Variants in SLFN11 observed in about 807,000 individuals in gnomAD.
SLFN11 encodes schlafen family member 11.
Under a neutral mutation model 53.4 loss-of-function variants are expected in SLFN11, and 43 were observed. The observed-to-expected ratio is 0.80, with a 90% CI of 0.63 to 1.04. SLFN11 has a LOEUF of 1.04. Among genes scored for constraint, SLFN11 ranks in the 50% least tolerant of loss-of-function variants. The pLI, the probability that SLFN11 is intolerant of heterozygous loss-of-function variation, is 0.00. For synonymous variants in SLFN11, 389 were observed against 394.7 expected (o/e 0.99, Z 0.17); for missense variants, 990 against 1,079.1 (o/e 0.92, Z 1.16).
In SLFN11 at chr17:35,352,953, A is replaced by G. The variant is rs746477267; in HGVS notation, c.2109T>C (p.Asp703=). Residue 703 remains aspartate (D), a synonymous_variant, in exon 7 of 7, where the codon GAT becomes GAC. Coordinates refer to ENST00000685675, the MANE Select transcript of SLFN11 (RefSeq NM_001376007.1). Reference sequence around the variant, plus strand: ...AATCCAAGTGGCTGGTCTGAAAGTAATCCAGAAAGATCCAGAGAATTCCTG... The same window carrying G: ...AATCCAAGTGGCTGGTCTGAAAGTAGTCCAGAAAGATCCAGAGAATTCCTG... ...GGPGILWIFL[D]YFQTSHLDCS... 69 of 1,614,050 alleles carry G rather than the reference A, an allele frequency of 4.3e-5. No homozygotes were observed. The highest frequency in any genetic ancestry group is 5.4e-5 in the Non-Finnish European group (64 of 1,180,040).
chr17:35,371,309 T>C (rs1909625498), intron 1 of SLFN11, among the ~76,000 whole-genome samples: 1 of 151,996 alleles, frequency 6.6e-6, no homozygotes, highest in Non-Finnish European at 1.5e-5. Flanking sequence ...TTGTCACATA[T>C]AAAAATCAAA....
intron 4 of SLFN11, among the ~76,000 whole-genome samples, chr17:35,361,327 A>T (rs751328902): frequency 1.3e-5 from 2 of 152,146 alleles, no homozygotes; most frequent in Non-Finnish European, 2.9e-5. Flanking sequence ...ATAGAGCATA[A>T]TGGGTACATG....
chr17:35,350,526 A>G lies in SLFN11; in HGVS notation c.*1830T>C, dbSNP rs191495365. The G allele has an allele frequency of 5.5e-4, 84 of 152,338 alleles. No individual in the cohort carries two copies. The highest frequency in any genetic ancestry group is 1.1e-3 in the Non-Finnish European group (72 of 68,030). The allele number at this position is 152,338 out of a possible 1,614,324, so 9.4% of individuals were successfully genotyped here. On this transcript the variant is annotated 3_prime_UTR_variant, in exon 7 of 7. Coordinates refer to ENST00000685675, the MANE Select transcript of SLFN11 (RefSeq NM_001376007.1). ...AAGAGATACAACCAGTCGAAATTAGACTTTTAAAGAATTACTCTCAAAGAC... is the reference window on the plus strand; with the variant it reads ...AAGAGATACAACCAGTCGAAATTAGGCTTTTAAAGAATTACTCTCAAAGAC...
intron 6 of SLFN11, 58 bp from the exon 7 acceptor site, chr17:35,353,197 A>C (rs556546979): frequency 1.3e-6 from 2 of 1,592,440 alleles, no homozygotes; most frequent in Admixed American, 1.8e-5. Context: ...GGGAGAAAAT[A>C]ATTGTATCAT....
rs760051273 is a variant in SLFN11, at chr17:35,353,884, G to A, written c.1374C>T (p.Ile458=). The A allele has an allele frequency of 5.3e-5, 85 of 1,613,530 alleles. No homozygotes were observed. Among genetic ancestry groups the A allele is most frequent in the Non-Finnish European group, 6.9e-5 (81 of 1,179,924 alleles). The part of the protein sequence containing the change: ...DLNLQEKPGV[I]CDALLIAQNS... ...TCTGTGCTATCAGCAGAGCATCACAGATGACTCCTGGCTTCTCCTGCAAGT... is the reference window on the plus strand; with the variant it reads ...TCTGTGCTATCAGCAGAGCATCACAAATGACTCCTGGCTTCTCCTGCAAGT... Residue 458 remains isoleucine, a synonymous_variant, in exon 6 of 7, where the codon ATC becomes ATT. Transcript: ENST00000685675.
In SLFN11 at chr17:35,362,749, G is replaced by A. The variant is rs1048152460; in HGVS notation, c.1059C>T (p.Asp353=). 13 of 1,563,252 alleles carry A rather than the reference G, an allele frequency of 8.3e-6. No homozygotes were observed. The highest frequency in any genetic ancestry group is 1.1e-5 in the Non-Finnish European group (13 of 1,154,858). ...TTEKWVGMMT[D]TDPDLLQLSE... ...CTTTCTCCCTCTTACCTGGATCTGT[G>A]TCTGTCATCATGCCTACCCATTTCT... The change falls in exon 4 of 7, where the codon GAC becomes GAT. Residue 353 remains aspartate (D), a synonymous_variant. Coordinates refer to ENST00000685675, the MANE Select transcript of SLFN11 (RefSeq NM_001376007.1).
At chr17:35,360,114 A>G (rs903551860) in intron 5 of SLFN11, 129 bp downstream of exon 5, 3 of 948,884 alleles carry the variant, frequency 3.2e-6, no homozygotes, top group Admixed American at 2.6e-5. Flanking sequence ...ATAGGATTGT[A>G]ACATCATCAC....
At chr17:35,357,139 CGT>C (rs35291259) in intron 5 of SLFN11, among the ~76,000 whole-genome samples, 16,790 of 142,750 alleles carry the variant, frequency 0.12, 1,097 homozygotes, top group Admixed American at 0.21. Flanking sequence ...TTTTTCTGTG[CGT>C]GTGTGTGTGT....
intron 1 of SLFN11, among the ~76,000 whole-genome samples, 191 bp from the exon 2 acceptor site, chr17:35,367,891 C>T (rs1446770377): frequency 2.6e-5 from 4 of 152,036 alleles, no homozygotes; most frequent in Non-Finnish European, 5.9e-5. Flanking sequence ...CTCCCCATGC[C>T]CCAGGATCTA....
intron 1 of SLFN11, among the ~76,000 whole-genome samples, chr17:35,373,036 A>C (rs529634785): frequency 1.3e-5 from 2 of 152,234 alleles, no homozygotes; most frequent in South Asian, 4.1e-4. Context: ...TTGGTCGGTC[A>C]CATAGACAGC....
rs371928243 is a variant in SLFN11 at position 35,370,645 on chromosome 17, A to G, written c.-235+2829T>C. Among the ~76,000 whole-genome samples the G allele has an allele frequency of 3.8e-4, 58 of 152,292 alleles. No homozygotes were observed. In the South Asian group the frequency reaches 0.011, roughly 29 times the overall value. ...CAGTAAAGTTGCAGGATACAAAATAAACATACAAAAATCAGTAGCATCTCT... is the reference window on the plus strand; with the variant it reads ...CAGTAAAGTTGCAGGATACAAAATAGACATACAAAAATCAGTAGCATCTCT... On this transcript the variant is annotated intron_variant, in intron 1 of 6. Coordinates refer to ENST00000685675, the MANE Select transcript of SLFN11 (RefSeq NM_001376007.1).
chr17:35,358,452 T>C (rs931628356), intron 5 of SLFN11, among the ~76,000 whole-genome samples: 1 of 151,786 alleles, frequency 6.6e-6, no homozygotes, highest in Non-Finnish European at 1.5e-5. Context: ...ACATTGTACT[T>C]GTAATATGCA....
intron 5 of SLFN11, among the ~76,000 whole-genome samples, chr17:35,356,691 G>A (rs1254936024): frequency 6.6e-6 from 1 of 151,752 alleles, no homozygotes; most frequent in African/African-American, 2.4e-5. Context: ...TGTTTGACCA[G>A]TCCCTATTGA....
intron 1 of SLFN11, among the ~76,000 whole-genome samples, chr17:35,372,021 C>A (rs1909738849): frequency 6.6e-6 from 1 of 152,120 alleles, no homozygotes. Flanking sequence ...ATCTGCACTC[C>A]TATGTTTCCT....
At position 35,354,078 on chromosome 17, in the gene SLFN11, A is replaced by G. The variant is rs768889205; in HGVS notation, c.1199-19T>C. 1 of 1,555,058 alleles carries G rather than the reference A, an allele frequency of 6.4e-7. No individual in the cohort carries two copies. The highest frequency in any genetic ancestry group is 8.7e-7 in the Non-Finnish European group (1 of 1,150,854). On this transcript the variant is annotated intron_variant, in intron 5 of 6. Transcript: ENST00000685675. ...GGTGGGACTGTATGTGAAAAGAATG[A>G]TAAATTAGAGGAAGAGAAATAACCC...
intron 5 of SLFN11, among the ~76,000 whole-genome samples, chr17:35,357,267 G>C (rs1907631907): frequency 6.6e-6 from 1 of 151,326 alleles, no homozygotes; most frequent in African/African-American, 2.4e-5. Flanking sequence ...TTTTTCTACT[G>C]GTCATGGTCA....
In SLFN11 at chr17:35,352,324, C is replaced by T; in HGVS notation, c.*32G>A. ...CCATCAGCAGACTGTCACCCATAGA[C>T]ATTTACATAGCATTTTGATTTGGAG... On this transcript the variant is annotated 3_prime_UTR_variant, in exon 7 of 7. Coordinates refer to ENST00000685675, the MANE Select transcript of SLFN11 (RefSeq NM_001376007.1). 6.2e-7 allele frequency: 1 copy of T among 1,609,150 alleles called. No homozygotes were observed. The highest frequency in any genetic ancestry group is 1.1e-5 in the South Asian group (1 of 90,550).
chr17:35,373,468 T>C lies in SLFN11; in HGVS notation c.-235+6A>G, dbSNP rs1461625752. ...GGGTGGGAAGGGTGCTGCTCCCTTCTCGAACCTGGCACTCGAGTTACAGCC... is the reference window on the plus strand; with the variant it reads ...GGGTGGGAAGGGTGCTGCTCCCTTCCCGAACCTGGCACTCGAGTTACAGCC... On this transcript the variant is annotated splice_donor_region_variant and intron_variant, in intron 1 of 6. Transcript: ENST00000685675. The C allele has an allele frequency of 6.6e-5, 10 of 151,438 alleles. No homozygotes were observed. The highest frequency in any genetic ancestry group is 4.6e-4 in the Admixed American group (7 of 15,212). 9.4% of individuals were successfully genotyped at this position (151,438 alleles called of 1,614,324 possible).
Position 35,352,109 on chromosome 17 carries a change from TA to T in SLFN11, c.*246del, listed in dbSNP as rs1383879732. Reference sequence around the variant, plus strand: ...ACAGATCGGCATTGTGCAGGACAGCTAAAGTTCCTTTAGAAAACCACCATCT... The same window carrying T: ...ACAGATCGGCATTGTGCAGGACAGCTAAGTTCCTTTAGAAAACCACCATCT... On this transcript the variant is annotated 3_prime_UTR_variant, in exon 7 of 7. Coordinates refer to ENST00000685675, the MANE Select transcript of SLFN11 (RefSeq NM_001376007.1). 1 of 573,640 alleles carries T rather than the reference TA, an allele frequency of 1.7e-6. No homozygotes were observed. Among genetic ancestry groups the T allele is most frequent in the Non-Finnish European group, 3.1e-6 (1 of 323,948 alleles). 35.5% of individuals were successfully genotyped at this position (573,640 alleles called of 1,614,324 possible). A position where few individuals can be genotyped will look rare whatever the true frequency, so the allele number is the denominator to read the frequency against.
Sources: allele counts gnomAD v4.1 joint callset (sites outside exome capture counted in the v4.1 genomes callset), GRCh38; gene constraint gnomAD v4.1.1; transcripts MANE v1.5; gene names NCBI Gene and HGNC (gene_info 2026-07-23, HGNC 2026-07-21).